Variants in GALNT15 observed in about 807,000 individuals in gnomAD.
GALNT15 encodes the protein UDP-GalNAc transferase T15.
A neutral mutation model predicts 66.8 loss-of-function variants in GALNT15; 67 were observed. The ratio of observed to expected loss-of-function variants is 1.00; its 90% CI spans 0.82 to 1.23. The LOEUF is 1.23. Ranked by LOEUF, GALNT15 falls within the 50% of genes most tolerant of loss-of-function variation. The pLI is 0.00. For missense variants in GALNT15, 827 were observed against 804.3 expected, an observed-to-expected ratio of 1.03 and a Z score of -0.34; for synonymous variants, 313 against 311.5, an observed-to-expected ratio of 1.00 and a Z score of -0.05.
At position 16,180,517 on chromosome 3, in the gene GALNT15, T is replaced by A. The variant is rs2063458591; in HGVS notation, c.539+4827T>A. 6.6e-6 allele frequency among the ~76,000 whole-genome samples: 1 copy of A among 151,950 alleles called. No homozygotes were observed. On this transcript the variant is annotated intron_variant, in intron 1 of 9. Transcript: ENST00000339732. The surrounding 1 kb of genome is among the most constrained non-coding windows in gnomAD (Gnocchi z 5.0). ...ACACCCAACCCCCCTATATTGCTTG[T>A]TAAAAAGACGTAGATGTTCAGACCC...
intron 6 of GALNT15, among the ~76,000 whole-genome samples, chr3:16,216,908 C>G (rs1304057358): frequency 6.6e-6 from 1 of 152,206 alleles, no homozygotes; most frequent in Non-Finnish European, 1.5e-5. Flanking sequence ...TCAGGTTTTT[C>G]TATCTGTTGG....
Position 16,191,345 on chromosome 3 carries a change from T to C in GALNT15, c.540-4415T>C. The C allele has an allele frequency of 2.0e-6, 2 of 984,940 alleles. No homozygotes were observed. Among genetic ancestry groups the C allele is most frequent in the Non-Finnish European group, 2.4e-6 (2 of 829,494 alleles). 61.0% of individuals were successfully genotyped at this position (984,940 alleles called of 1,614,324 possible). On this transcript the variant is annotated intron_variant, in intron 1 of 9. Coordinates refer to ENST00000339732, the MANE Select transcript of GALNT15 (RefSeq NM_054110.5). The surrounding 1 kb of genome is among the most constrained non-coding windows in gnomAD (Gnocchi z 5.2). ...ACCTCTTGTAGTAATGGGACATCTG[T>C]TAATAATGGCAGCAAACGCATGGTG...
At chr3:16,201,231 G>C (rs2063698265) in intron 3 of GALNT15, among the ~76,000 whole-genome samples, 1 of 151,900 alleles carries the variant, frequency 6.6e-6, no homozygotes, top group South Asian at 2.1e-4. Context: ...ACCCAGGCTG[G>C]AGTGCAGCGG....
rs556397317 is a variant in GALNT15, at chr3:16,212,048, G to A, written c.1198-521G>A. Among the ~76,000 whole-genome samples the A allele has an allele frequency of 7.9e-5, 12 of 152,210 alleles. No homozygotes were observed. In the East Asian group the frequency reaches 9.6e-4, roughly 12 times the overall value. On this transcript the variant is annotated intron_variant, in intron 5 of 9. Coordinates refer to ENST00000339732, the MANE Select transcript of GALNT15 (RefSeq NM_054110.5). ...AATGTGGAATGAAAGTCTTCCTGCC[G>A]AATGAACTCCAGCCGTTTGGGAGTG... is the stretch of plus-strand genomic sequence containing the variant.
chr3:16,231,782 TTC>T (rs2064084414), downstream of GALNT15: 1 of 1,532,408 alleles, frequency 6.5e-7, no homozygotes, highest in African/African-American at 1.4e-5. The surrounding 1 kb of genome is among the most constrained non-coding windows in gnomAD (Gnocchi z 4.1). Flanking sequence ...CCCTCTCTCC[TTC>T]TCTCTCAGGA....
Position 16,219,646 on chromosome 3 carries a change from T to A in GALNT15, c.1524+112T>A. 7.0e-7 allele frequency: 1 copy of A among 1,433,736 alleles called. No individual in the cohort carries two copies. The highest frequency in any genetic ancestry group is 9.5e-7 in the Non-Finnish European group (1 of 1,049,662). 88.8% of individuals were successfully genotyped at this position (1,433,736 alleles called of 1,614,324 possible). On this transcript the variant is annotated intron_variant, in intron 7 of 9. Transcript: ENST00000339732. This position sits in a 1 kb window ranked among gnomAD's most constrained non-coding sequence, Gnocchi z 4.3. ...CAACCATTCACGGTTTAGCAGGGCC[T>A]CAGAGGCCTTGGGTCCATCCCGTGC...
chr3:16,175,037 A>C lies in GALNT15; in HGVS notation c.-115A>C. On this transcript the variant is annotated 5_prime_UTR_variant, in exon 1 of 10. Coordinates refer to ENST00000339732, the MANE Select transcript of GALNT15 (RefSeq NM_054110.5). This position sits in a 1 kb window ranked among gnomAD's most constrained non-coding sequence, Gnocchi z 5.6. ...GTCAGGACCAGGTTAAGTGACTGGC[A>C]GAAAAACTTCCAGGTGGAACAAGCA... The C allele has an allele frequency of 1.1e-6, 1 of 942,576 alleles. No homozygotes were observed. Among genetic ancestry groups the C allele is most frequent in the Non-Finnish European group, 1.6e-6 (1 of 629,790 alleles). 58.4% of individuals were successfully genotyped at this position (942,576 alleles called of 1,614,324 possible).
Position 16,222,622 on chromosome 3 carries a change from A to G in GALNT15, c.1637A>G (p.Gln546Arg), listed in dbSNP as rs774128363. Residue 546 changes from glutamine to arginine, a missense_variant, in exon 9 of 10, where the codon CAG (glutamine) becomes CGG (arginine). Gln to Arg is a conservative substitution (Grantham distance 43). Coordinates refer to ENST00000339732, the MANE Select transcript of GALNT15 (RefSeq NM_054110.5). ...CSDSRQQQYL[Q>R]HTSRKEIHFG... ...CTATTGCTTCTGTCACAGTACCTGC[A>G]GCACACCAGCAGGAAGGAGATTCAC... The G allele has an allele frequency of 6.2e-7, 1 of 1,614,206 alleles. No individual in the cohort carries two copies. The highest frequency in any genetic ancestry group is 1.1e-5 in the South Asian group (1 of 91,084).
Position 16,219,414 on chromosome 3 carries a change from A to G in GALNT15, c.1404A>G (p.Pro468=), listed in dbSNP as rs2063916157. ...EAFSLSKAEK[P]DCMERLQLQR... is the part of the protein sequence containing the mutation. ...TTTCTCCTCCCCAGGCTGAGAAGCC[A>G]GACTGCATGGAACGCTTGCAGCTGC... Residue 468 remains proline (P), a synonymous_variant, in exon 7 of 10, where the codon CCA becomes CCG. Coordinates refer to ENST00000339732, the MANE Select transcript of GALNT15 (RefSeq NM_054110.5). This position sits in a 1 kb window ranked among gnomAD's most constrained non-coding sequence, Gnocchi z 4.3. 2 of 1,613,994 alleles carry G rather than the reference A, an allele frequency of 1.2e-6. No individual in the cohort carries two copies. Among genetic ancestry groups the G allele is most frequent in the African/African-American group, 2.7e-5 (2 of 74,946 alleles).
At position 16,191,105 on chromosome 3, in the gene GALNT15, C is replaced by T. The variant is rs940463376; in HGVS notation, c.540-4655C>T. On this transcript the variant is annotated intron_variant, in intron 1 of 9. Transcript: ENST00000339732. This position sits in a 1 kb window ranked among gnomAD's most constrained non-coding sequence, Gnocchi z 5.2. ...AGTTTATCCCACTCACACTCCCTGC[C>T]CATCCATTGGTTCACCATCTTCTCT... Among the ~76,000 whole-genome samples, 2 of 152,202 alleles carry T rather than the reference C, an allele frequency of 1.3e-5. No individual in the cohort carries two copies. Among genetic ancestry groups the T allele is most frequent in the Non-Finnish European group, 2.9e-5 (2 of 68,042 alleles).
chr3:16,190,082 G>A (rs1432020328), intron 1 of GALNT15, among the ~76,000 whole-genome samples: 1 of 152,170 alleles, frequency 6.6e-6, no homozygotes, highest in Non-Finnish European at 1.5e-5. Flanking sequence ...CAGTTTGGCC[G>A]CTTTCAGGGA....
chr3:16,206,537 G>C (rs1574985495), intron 3 of GALNT15, among the ~76,000 whole-genome samples: 2 of 151,794 alleles, frequency 1.3e-5, no homozygotes, highest in African/African-American at 4.8e-5. Flanking sequence ...GCCGGGCGTT[G>C]TGGCGGGCAC....
rs2063547178 is a variant in GALNT15, at chr3:16,189,004, A to C, written c.540-6756A>C. On this transcript the variant is annotated intron_variant, in intron 1 of 9. Transcript: ENST00000339732. The surrounding 1 kb of genome is among the most constrained non-coding windows in gnomAD (Gnocchi z 5.1). Reference sequence around the variant, plus strand: ...CCTCAGCATCTCCCAAAACTTACACACTCACATCAGCTAAGGAGTTGGATG... The same window carrying C: ...CCTCAGCATCTCCCAAAACTTACACCCTCACATCAGCTAAGGAGTTGGATG... Among the ~76,000 whole-genome samples, 1 of 151,908 alleles carries C rather than the reference A, an allele frequency of 6.6e-6. No homozygotes were observed. Among genetic ancestry groups the C allele is most frequent in the Admixed American group, 6.6e-5 (1 of 15,258 alleles).
rs1386701722 is a variant in GALNT15, at chr3:16,193,764, G to A, written c.540-1996G>A. On this transcript the variant is annotated intron_variant, in intron 1 of 9. Transcript: ENST00000339732. This position sits in a 1 kb window ranked among gnomAD's most constrained non-coding sequence, Gnocchi z 4.7. Reference sequence around the variant, plus strand: ...ACCTCACAGATTCCTTTAGGTGTCCGAAGTTTGGGGTCCTTGAGATGGCTC... The same window carrying A: ...ACCTCACAGATTCCTTTAGGTGTCCAAAGTTTGGGGTCCTTGAGATGGCTC... Among the ~76,000 whole-genome samples the A allele has an allele frequency of 4.6e-5, 7 of 152,192 alleles. No homozygotes were observed. The highest frequency in any genetic ancestry group is 2.6e-4 in the Admixed American group (4 of 15,284).
downstream of GALNT15, among the ~76,000 whole-genome samples, chr3:16,236,626 C>T (rs1209498901): frequency 1.3e-5 from 2 of 152,126 alleles, no homozygotes; most frequent in Non-Finnish European, 2.9e-5. Flanking sequence ...TAAAGTGTTT[C>T]TCTGTTATAC....
Position 16,200,515 on chromosome 3 carries a change from G to A in GALNT15, c.707-104G>A. The A allele has an allele frequency of 1.2e-6, 1 of 860,040 alleles. No individual in the cohort carries two copies. Among genetic ancestry groups the A allele is most frequent in the South Asian group, 2.4e-5 (1 of 41,452 alleles). 53.3% of individuals were successfully genotyped at this position (860,040 alleles called of 1,614,324 possible). A position where few individuals can be genotyped will look rare whatever the true frequency, so the allele number is the denominator to read the frequency against. On this transcript the variant is annotated intron_variant, in intron 2 of 9. Coordinates refer to ENST00000339732, the MANE Select transcript of GALNT15 (RefSeq NM_054110.5). This position sits in a 1 kb window ranked among gnomAD's most constrained non-coding sequence, Gnocchi z 4.4. ...TGTTTTCGGTTCTTAGGACCCAGGT[G>A]CTCACCACAGCTTCCAAAAGAGAGT...
At chr3:16,232,677 T>C (rs2657605), downstream of GALNT15, among the ~76,000 whole-genome samples, 80,786 of 148,628 alleles carry the variant, frequency 0.54, 22,764 homozygotes, top group South Asian at 0.69. Flanking sequence ...ACAGAGCACC[T>C]TGATAGTATT....
At chr3:16,218,724 C>A (rs1265926761) in intron 6 of GALNT15, among the ~76,000 whole-genome samples, 6 of 151,956 alleles carry the variant, frequency 3.9e-5, no homozygotes, top group Non-Finnish European at 7.4e-5. Context: ...TCTCCTTACA[C>A]CAAGCTAGGT....
At chr3:16,233,375 G>A (rs921879535), downstream of GALNT15, among the ~76,000 whole-genome samples, 3 of 152,006 alleles carry the variant, frequency 2.0e-5, no homozygotes, top group Non-Finnish European at 4.4e-5. Flanking sequence ...GATTACAGGC[G>A]TGAGCCACCA....
Sources: allele counts gnomAD v4.1 joint callset (sites outside exome capture counted in the v4.1 genomes callset), GRCh38; gene constraint gnomAD v4.1.1; non-coding constraint Gnocchi (gnomAD v3.1); transcripts MANE v1.5; gene names NCBI Gene and HGNC (gene_info 2026-07-23, HGNC 2026-07-21).